Variants in KCNIP4 observed in about 807,000 individuals in gnomAD.
KCNIP4 encodes the protein potassium voltage-gated channel interacting protein 4, also known as Kv channel-interacting protein 4.
In KCNIP4, 12 loss-of-function variants were observed where a neutral mutation model predicts 34.0. That is an observed-to-expected ratio of 0.35 (90% CI 0.23 to 0.57). The LOEUF (loss-of-function observed/expected upper bound fraction) is 0.57. Among genes scored for constraint, KCNIP4 ranks in the 20% least tolerant of loss-of-function variants. KCNIP4 has a pLI of 0.83. For missense variants in KCNIP4, 238 were observed against 311.7 expected (o/e 0.76, Z 1.78); for synonymous variants, 124 against 102.2 (o/e 1.21, Z -1.29).
At chr4:21,187,968 A>G (rs186260339) in intron 1 of KCNIP4, among the ~76,000 whole-genome samples, 2 of 152,298 alleles carry the variant, frequency 1.3e-5, no homozygotes, top group East Asian at 1.9e-4. Flanking sequence ...TCATCTGTCA[A>G]ATGGGTCTAA....
chr4:20,944,729 A>G (rs1345869716), intron 1 of KCNIP4, among the ~76,000 whole-genome samples: 1 of 152,180 alleles, frequency 6.6e-6, no homozygotes, highest in Admixed American at 6.5e-5. Context: ...GCTGCCAGGT[A>G]GCCCTCCCTC....
chr4:21,446,200 G>A (rs1727973379), intron 1 of KCNIP4, among the ~76,000 whole-genome samples: 1 of 152,160 alleles, frequency 6.6e-6, no homozygotes, highest in Admixed American at 6.5e-5. Context: ...TTCAACAATT[G>A]TGGAAGTCAG....
intron 1 of KCNIP4, among the ~76,000 whole-genome samples, chr4:21,456,746 T>C (rs1353001346): frequency 6.7e-6 from 1 of 148,974 alleles, no homozygotes; most frequent in Non-Finnish European, 1.5e-5. Flanking sequence ...TTCTTGACTA[T>C]TGCTGGGTGG....
At chr4:21,519,343 T>TAC (rs137872471) in intron 1 of KCNIP4, among the ~76,000 whole-genome samples, 11,155 of 116,180 alleles carry the variant, frequency 0.096, 894 homozygotes, top group East Asian at 0.18. Flanking sequence ...GAGAGAGAGA[T>TAC]ACACACACAC....
chr4:20,825,588 T>C (rs1326625425), intron 3 of KCNIP4, among the ~76,000 whole-genome samples: 6 of 152,136 alleles, frequency 3.9e-5, no homozygotes, highest in Non-Finnish European at 5.9e-5. Flanking sequence ...ACGTTTAGTT[T>C]TGGACATACT....
At chr4:20,955,151 G>A (rs993034220) in intron 1 of KCNIP4, among the ~76,000 whole-genome samples, 1 of 152,178 alleles carries the variant, frequency 6.6e-6, no homozygotes, top group African/African-American at 2.4e-5. Context: ...GTGGCTGGGG[G>A]TTGTTACTAG....
intron 1 of KCNIP4, among the ~76,000 whole-genome samples, chr4:21,503,369 C>T (rs1466812190): frequency 1.3e-5 from 2 of 152,130 alleles, no homozygotes; most frequent in East Asian, 3.9e-4. Context: ...CCTTACATAA[C>T]CTGTAGGTCC....
chr4:21,650,439 T>A (rs1747395574), intron 1 of KCNIP4, among the ~76,000 whole-genome samples: 1 of 152,182 alleles, frequency 6.6e-6, no homozygotes, highest in Non-Finnish European at 1.5e-5. Flanking sequence ...AAACACTTGT[T>A]CCAATGATAT....
chr4:21,262,463 C>A (rs1378945288), intron 1 of KCNIP4, among the ~76,000 whole-genome samples: 2 of 152,150 alleles, frequency 1.3e-5, no homozygotes, highest in East Asian at 3.9e-4. Context: ...GCAGCCTTAG[C>A]CAATGACTGA....
rs553870152 is a variant in KCNIP4 at position 21,525,500 on chromosome 4, T to C, written c.61+423071A>G. ...GCCACTTTCCCAACCCCCATAAAAA[T>C]ATTTAAAAAATGACAGATGCCTCAC... is the stretch of plus-strand genomic sequence containing the variant. On this transcript the variant is annotated intron_variant, in intron 1 of 8. Coordinates refer to ENST00000382152, the MANE Select transcript of KCNIP4 (RefSeq NM_025221.6). Among the ~76,000 whole-genome samples the C allele has an allele frequency of 9.2e-5, 14 of 152,262 alleles. 1 individual carries two copies. In the South Asian group the frequency reaches 2.7e-3, roughly 29 times the overall value.
At chr4:21,523,731 C>G (rs1283822236) in intron 1 of KCNIP4, among the ~76,000 whole-genome samples, 1 of 151,902 alleles carries the variant, frequency 6.6e-6, no homozygotes, top group African/African-American at 2.4e-5. Context: ...GCCACCACAC[C>G]TGGGTAATTT....
intron 1 of KCNIP4, among the ~76,000 whole-genome samples, chr4:21,494,735 T>C (rs1732711946): frequency 7.0e-6 from 1 of 142,094 alleles, no homozygotes; most frequent in Non-Finnish European, 1.5e-5. Flanking sequence ...ATCGCGCCAC[T>C]ACACATACTC....
chr4:21,178,078 CTACAAATCCCTGCAGACT>C (rs1489772180), intron 1 of KCNIP4, among the ~76,000 whole-genome samples: 1 of 152,172 alleles, frequency 6.6e-6, no homozygotes, highest in East Asian at 1.9e-4. Context: ...CCTACTTCAG[CTACAAATCCCTGCAGACT>C]TACTTAGCAT....
At chr4:21,455,810 TATATATATATATATATA>T (rs1728889099) in intron 1 of KCNIP4, among the ~76,000 whole-genome samples, 841 of 67,964 alleles carry the variant, frequency 0.012, 117 homozygotes, top group African/African-American at 0.052. Flanking sequence ...CAGATATTCA[TATATATATATATATATA>T]TATATATATA....
At chr4:21,893,262 C>T (rs1273138827) in intron 1 of KCNIP4, among the ~76,000 whole-genome samples, 2 of 152,138 alleles carry the variant, frequency 1.3e-5, no homozygotes, top group Admixed American at 6.6e-5. Flanking sequence ...TGAGTACATG[C>T]CATTGCATAT....
chr4:20,951,825 A>C (rs1251511130), intron 1 of KCNIP4, among the ~76,000 whole-genome samples: 1 of 152,224 alleles, frequency 6.6e-6, no homozygotes, highest in East Asian at 1.9e-4. Context: ...ATAGATTTTC[A>C]AAATGACCAG....
intron 1 of KCNIP4, among the ~76,000 whole-genome samples, chr4:21,686,095 A>G (rs1177401008): frequency 6.6e-6 from 1 of 152,200 alleles, no homozygotes; most frequent in African/African-American, 2.4e-5. Context: ...CCATCATAAA[A>G]CAGGCTCTAT....
intron 1 of KCNIP4, among the ~76,000 whole-genome samples, chr4:21,861,842 A>T (rs1052972404): frequency 5.3e-5 from 8 of 152,072 alleles, no homozygotes; most frequent in African/African-American, 1.9e-4. Flanking sequence ...AGGTCATGTC[A>T]CTTTTCTGCT....
intron 3 of KCNIP4, among the ~76,000 whole-genome samples, chr4:20,845,700 C>T (rs1405535174): frequency 1.3e-5 from 2 of 152,168 alleles, no homozygotes; most frequent in African/African-American, 2.4e-5. Flanking sequence ...TTTGAAGAAT[C>T]CAGCTGCCAT....
Sources: allele counts gnomAD v4.1 joint callset (sites outside exome capture counted in the v4.1 genomes callset), GRCh38; gene constraint gnomAD v4.1.1; transcripts MANE v1.5; gene names NCBI Gene and HGNC (gene_info 2026-07-23, HGNC 2026-07-21).